Variants in PDHA1 observed in about 807,000 individuals in gnomAD.
PDHA1 encodes the protein pyruvate dehydrogenase E1 subunit alpha 1, also known as pyruvate dehydrogenase E1 component subunit alpha, somatic form, mitochondrial.
In PDHA1, 1 loss-of-function variant was observed where a neutral mutation model predicts 33.0. The ratio of observed to expected loss-of-function variants is 0.03; its 90% CI spans 0.01 to 0.14. The LOEUF (loss-of-function observed/expected upper bound fraction) is 0.14. Among genes scored for constraint, PDHA1 ranks in the 10% least tolerant of loss-of-function variants. The probability of loss-of-function intolerance (pLI) is 1.00; values close to 1 mark genes in which losing one functional copy is unlikely to be tolerated. For synonymous variants in PDHA1, 123 were observed against 119.2 expected, an observed-to-expected ratio of 1.03 and a Z score of -0.21; for missense variants, 168 against 325.1, an observed-to-expected ratio of 0.52 and a Z score of 3.72.
At chrX:19,352,357 C>T (rs1016614174) in intron 4 of PDHA1, among the ~76,000 whole-genome samples, 1 of 109,884 alleles carries the variant, frequency 9.1e-6, no homozygotes, top group African/African-American at 3.3e-5. Context: ...GCCTCAGCCT[C>T]CTGAGTAGCT....
intron 4 of PDHA1, 111 bp from the exon 5 acceptor site, chrX:19,352,968 GAAC>G: frequency 1.6e-6 from 1 of 615,216 alleles, no homozygotes; most frequent in East Asian, 3.2e-5. Context: ...TTAGACGACT[GAAC>G]TGGCCTCTGT....
Position 19,360,899 on chromosome X carries a change from C to T in PDHA1, c.*1246C>T, listed in dbSNP as rs923800219. The T allele has an allele frequency of 1.2e-6, 1 of 834,399 alleles. No homozygotes were observed. Among genetic ancestry groups the T allele is most frequent in the Admixed American group, 3.0e-5 (1 of 33,282 alleles). The allele number at this position is 834,399 out of a possible 1,213,427, so 68.8% of individuals were successfully genotyped here. ...AGCCAACAGAGCTTAAAACTGCAGT[C>T]CCTAATTTAAAAACCTAATGAAAAT... On this transcript the variant is annotated 3_prime_UTR_variant, in exon 11 of 11. Transcript: ENST00000422285.
At chrX:19,344,165 C>G in intron 1 of PDHA1, 71 bp downstream of exon 1, 1 of 961,488 alleles carries the variant, frequency 1.0e-6, no homozygotes, top group East Asian at 3.2e-5. Context: ...CAGGGCGGGC[C>G]AGGCCGGGCC....
In PDHA1 at chrX:19,356,815, T is replaced by C. The variant is rs1433807434; in HGVS notation, c.832-837T>C. Among the ~76,000 whole-genome samples the C allele has an allele frequency of 2.3e-5, 2 of 88,824 alleles. 1 individual carries two copies. The highest frequency in any genetic ancestry group is 2.0e-4 in the African/African-American group (2 of 10,247). The allele number at this position is 88,824 out of a possible 115,157, so 77.1% of individuals were successfully genotyped here. A position where few individuals can be genotyped will look rare whatever the true frequency, so the allele number is the denominator to read the frequency against. ...CAGTTAAAGGTACACAGCTACTCTG[T>C]CTTGGAGCCAGCTCCCCACTCGCCC... On this transcript the variant is annotated intron_variant, in intron 8 of 10. Coordinates refer to ENST00000422285, the MANE Select transcript of PDHA1 (RefSeq NM_000284.4).
chrX:19,352,676 C>G (rs5955754), intron 4 of PDHA1, among the ~76,000 whole-genome samples: 24,258 of 111,582 alleles, frequency 0.22, 5,045 homozygotes, highest in African/African-American at 0.66. Flanking sequence ...TGAGAATATT[C>G]TATTTTCAAT....
At chrX:19,345,750 C>G (rs750205962) in intron 1 of PDHA1, 2 of 260,323 alleles carry the variant, frequency 7.7e-6, no homozygotes, top group East Asian at 2.6e-4. Context: ...CAGGGTCCCC[C>G]CCCCCCCGCC....
chrX:19,346,507 T>C, intron 1 of PDHA1: 2 of 476,953 alleles, frequency 4.2e-6, no homozygotes, highest in South Asian at 3.6e-5. Context: ...TTTTTTTTAC[T>C]AGAGACATGG....
In PDHA1 at chrX:19,359,718, G is replaced by A. The variant is rs2063250782; in HGVS notation, c.*65G>A. ...AGACAGTGTTCTCAACTTGGTTAAG[G>A]AGGAAGAAAACCCAGTCAATGAAAT... is the stretch of plus-strand genomic sequence containing the variant. On this transcript the variant is annotated 3_prime_UTR_variant, in exon 11 of 11. Transcript: ENST00000422285. 9.7e-7 allele frequency: 1 copy of A among 1,026,748 alleles called. No homozygotes were observed. The allele number at this position is 1,026,748 out of a possible 1,213,427, so 84.6% of individuals were successfully genotyped here.
chrX:19,360,450 G>T lies in PDHA1; in HGVS notation c.*797G>T. On this transcript the variant is annotated 3_prime_UTR_variant, in exon 11 of 11. Coordinates refer to ENST00000422285, the MANE Select transcript of PDHA1 (RefSeq NM_000284.4). ...TCACTGCAGCCTCCACACCTCCTGG[G>T]CTCAAGCAATCCTCCCACCTCAGCC... 1 of 236,661 alleles carries T rather than the reference G, an allele frequency of 4.2e-6. No homozygotes were observed. The highest frequency in any genetic ancestry group is 7.6e-6 in the Non-Finnish European group (1 of 131,253). The allele number at this position is 236,661 out of a possible 1,213,427, so 19.5% of individuals were successfully genotyped here.
Position 19,361,280 on chromosome X carries a change from A to T in PDHA1, c.*1627A>T. On this transcript the variant is annotated 3_prime_UTR_variant, in exon 11 of 11. Transcript: ENST00000422285. ...CCCAGCCCTTTGTTTTCTGCTCTTGAAGCATATTCACACATAAAAAGTTGT... is the reference window on the plus strand; with the variant it reads ...CCCAGCCCTTTGTTTTCTGCTCTTGTAGCATATTCACACATAAAAAGTTGT... 1 of 955,885 alleles carries T rather than the reference A, an allele frequency of 1.0e-6. No individual in the cohort carries two copies. The highest frequency in any genetic ancestry group is 1.5e-6 in the Non-Finnish European group (1 of 681,245). 78.8% of individuals were successfully genotyped at this position (955,885 alleles called of 1,213,427 possible). A position where few individuals can be genotyped will look rare whatever the true frequency, so the allele number is the denominator to read the frequency against.
intron 9 of PDHA1, 40 bp from the exon 10 acceptor site, chrX:19,358,876 C>A (rs373830435): frequency 3.4e-5 from 26 of 776,023 alleles, no homozygotes; most frequent in Non-Finnish European, 4.0e-5. Context: ...TCTACTGGAA[C>A]TGCTCTTACT....
intron 2 of PDHA1, among the ~76,000 whole-genome samples, chrX:19,349,575 G>T (rs2063152814): frequency 9.0e-6 from 1 of 111,656 alleles, no homozygotes; most frequent in Non-Finnish European, 1.9e-5. Context: ...GAAGGGGGAG[G>T]AGCTAGAAAA....
intron 5 of PDHA1, among the ~76,000 whole-genome samples, chrX:19,353,895 TTTTCC>T (rs2063178745): frequency 9.0e-6 from 1 of 111,688 alleles, no homozygotes; most frequent in African/African-American, 3.3e-5. Context: ...GGACTGTTTC[TTTTCC>T]TTTCTAATAT....
At position 19,353,140 on chromosome X, in the gene PDHA1, C is replaced by T. The variant is rs2063173885; in HGVS notation, c.477C>T (p.Asn159=). 2 of 1,206,796 alleles carry T rather than the reference C, an allele frequency of 1.7e-6. No homozygotes were observed. Among genetic ancestry groups the T allele is most frequent in the Admixed American group, 4.4e-5 (2 of 45,756 alleles). Residue 159 remains asparagine (N), a synonymous_variant, in exon 5 of 11, where the codon AAC becomes AAT. Transcript: ENST00000422285. ...GATCGATGCACATGTATGCCAAGAA[C>T]TTCTACGGGGGCAATGGCATCGTGG... is the stretch of plus-strand genomic sequence containing the variant. ...KGGSMHMYAK[N]FYGGNGIVGA...
intron 1 of PDHA1, chrX:19,346,600 T>A (rs1464471946): frequency 1.0e-6 from 1 of 966,985 alleles, no homozygotes; most frequent in African/African-American, 2.0e-5. Flanking sequence ...CTGGGATTAC[T>A]CTCACTCTCT....
At chrX:19,350,458 G>A (rs757396418) in intron 3 of PDHA1, among the ~76,000 whole-genome samples, 43 of 111,655 alleles carry the variant, frequency 3.9e-4, no homozygotes, top group Non-Finnish European at 6.6e-4. Context: ...GAGATACGGG[G>A]TTTCACTATG....
At chrX:19,357,749 G>A (rs2147184610) in intron 9 of PDHA1, 30 bp downstream of exon 9, 2 of 1,119,998 alleles carry the variant, frequency 1.8e-6, no homozygotes, top group Non-Finnish European at 2.5e-6. Context: ...GGTTTCCATA[G>A]GGGTGGGCTT....
chrX:19,344,236 C>G (rs1429128056), intron 1 of PDHA1, 142 bp downstream of exon 1: 12 of 503,513 alleles, frequency 2.4e-5, no homozygotes, highest in Non-Finnish European at 3.6e-5. Context: ...CCTCCGCGCC[C>G]TGCATTCCGT....
At chrX:19,354,724 T>C (rs1685825731) in intron 6 of PDHA1, 141 bp downstream of exon 6, 4 of 518,262 alleles carry the variant, frequency 7.7e-6, no homozygotes, top group Admixed American at 5.3e-5. Context: ...GGTTGACTTA[T>C]GGCCAGATTA....
Sources: allele counts gnomAD v4.1 joint callset (sites outside exome capture counted in the v4.1 genomes callset), GRCh38; gene constraint gnomAD v4.1.1; transcripts MANE v1.5; gene names NCBI Gene and HGNC (gene_info 2026-07-23, HGNC 2026-07-21).